The following PTPRE variants were observed in gnomAD, a reference collection of about 807,000 sequenced individuals.
PTPRE encodes the protein receptor-type tyrosine-protein phosphatase epsilon.
PTPRE carries 51 observed loss-of-function variants against 102.0 expected under a neutral mutation model. The observed-to-expected ratio is 0.50, with a 90% CI of 0.40 to 0.63. The LOEUF (loss-of-function observed/expected upper bound fraction) is 0.63, where lower values mean the gene tolerates loss of function less well. Ranked by LOEUF, PTPRE falls within the 30% of genes least tolerant of loss-of-function variation. The pLI is 0.00. For missense variants in PTPRE, 752 were observed against 915.1 expected (o/e 0.82, Z 2.30); for synonymous variants, 345 against 348.2 (o/e 0.99, Z 0.10).
intron 1 of PTPRE, among the ~76,000 whole-genome samples, chr10:127,937,736 G>T (rs979335056): frequency 3.9e-5 from 6 of 152,190 alleles, no homozygotes; most frequent in African/African-American, 1.4e-4. Flanking sequence ...GCACATGCCT[G>T]TAATTACAGC....
At chr10:128,076,457 GGCATTTATAT>G in intron 17 of PTPRE, 136 bp from the exon 18 acceptor site, 1 of 750,210 alleles carries the variant, frequency 1.3e-6, no homozygotes, top group Non-Finnish European at 2.0e-6. Context: ...AGCATTAACA[GGCATTTATAT>G]TCATATTCAT....
rs1179964386 is a variant in PTPRE at position 127,987,547 on chromosome 10, T to C, written c.-8+5251T>C. ...AAATTTGGCAAGCCTCTTAGTTACC[T>C]TTATCCAGCTCTGTGCAGGAAATCT... is the stretch of plus-strand genomic sequence containing the variant. On this transcript the variant is annotated intron_variant, in intron 2 of 20. Coordinates refer to ENST00000254667, the MANE Select transcript of PTPRE (RefSeq NM_006504.6). Among the ~76,000 whole-genome samples, 3 of 152,176 alleles carry C rather than the reference T, an allele frequency of 2.0e-5. No individual in the cohort carries two copies. In the East Asian group the frequency reaches 5.8e-4, roughly 29 times the overall value.
chr10:128,060,301 C>T (rs1480548967), intron 7 of PTPRE, among the ~76,000 whole-genome samples: 1 of 152,108 alleles, frequency 6.6e-6, no homozygotes, highest in Admixed American at 6.5e-5. Flanking sequence ...ACACCCCACA[C>T]ACAGAGCACT....
At chr10:127,967,271 G>A (rs1233568971) in intron 1 of PTPRE, among the ~76,000 whole-genome samples, 2 of 152,194 alleles carry the variant, frequency 1.3e-5, no homozygotes, top group Non-Finnish European at 2.9e-5. Flanking sequence ...CTCAAGCTAT[G>A]ATTTTGCAAA....
At chr10:128,039,929 C>T (rs572931139) in intron 2 of PTPRE, among the ~76,000 whole-genome samples, 119 of 152,310 alleles carry the variant, frequency 7.8e-4, no homozygotes, top group Non-Finnish European at 1.6e-3. Context: ...CCACATTTAG[C>T]GATGCTCTGA....
At position 127,907,869 on chromosome 10, in the gene PTPRE, G is replaced by A. The variant is rs1425126120; in HGVS notation, c.-31+560G>A. Among the ~76,000 whole-genome samples the A allele has an allele frequency of 2.6e-5, 4 of 152,250 alleles. No individual in the cohort carries two copies. Among genetic ancestry groups the A allele is most frequent in the African/African-American group, 7.2e-5 (3 of 41,472 alleles). On this transcript the variant is annotated intron_variant, in intron 1 of 20. Transcript: ENST00000254667. The surrounding 1 kb of genome is among the most constrained non-coding windows in gnomAD (Gnocchi z 4.8). ...GGAGCGGGATGCAGCAGCCGCCGGG[G>A]GTCGGAGATGCGGCAGGGAGACCCT...
intron 2 of PTPRE, among the ~76,000 whole-genome samples, chr10:127,983,489 A>G (rs914489288): frequency 2.0e-5 from 3 of 152,202 alleles, no homozygotes; most frequent in Non-Finnish European, 4.4e-5. Context: ...TATGAAATCT[A>G]CAATCCCTGA....
At chr10:128,074,091 TC>T (rs776678467) in intron 17 of PTPRE, among the ~76,000 whole-genome samples, 3 of 152,154 alleles carry the variant, frequency 2.0e-5, no homozygotes, top group Non-Finnish European at 4.4e-5. Context: ...CCCCATTCCT[TC>T]CTTCCCCTAA....
intron 19 of PTPRE, among the ~76,000 whole-genome samples, chr10:128,078,860 T>C (rs1042335006): frequency 6.6e-6 from 1 of 152,244 alleles, no homozygotes; most frequent in Non-Finnish European, 1.5e-5. Context: ...TAAGCCCACA[T>C]GTGAGATTAT....
Position 128,085,002 on chromosome 10 carries a change from C to T in PTPRE, c.*2096C>T. ...AAAGGGCCCTGCTCATGTTTTTTTC[C>T]TGTCCCCTTAGACCAACCCCAGGTG... is the stretch of plus-strand genomic sequence containing the variant. On this transcript the variant is annotated 3_prime_UTR_variant, in exon 21 of 21. Coordinates refer to ENST00000254667, the MANE Select transcript of PTPRE (RefSeq NM_006504.6). 4 of 400,050 alleles carry T rather than the reference C, an allele frequency of 1.0e-5. No individual in the cohort carries two copies. The highest frequency in any genetic ancestry group is 6.2e-5 in the Admixed American group (2 of 32,310). 24.8% of individuals were successfully genotyped at this position (400,050 alleles called of 1,614,324 possible).
intron 1 of PTPRE, among the ~76,000 whole-genome samples, chr10:127,926,627 C>T (rs1847028841): frequency 1.3e-5 from 2 of 152,046 alleles, no homozygotes; most frequent in South Asian, 4.1e-4. Context: ...TTAGACTCTG[C>T]TCCACCAGGT....
intron 16 of PTPRE, 86 bp from the exon 17 acceptor site, chr10:128,073,251 C>A (rs1452998266): frequency 2.6e-6 from 4 of 1,560,940 alleles, no homozygotes; most frequent in Non-Finnish European, 3.5e-6. Context: ...CCTCATTAGG[C>A]CTTAGGCTGT....
rs181113041 is a variant in PTPRE at position 128,018,593 on chromosome 10, G to A, written c.-7-22282G>A. ...CCAACAGCTGTTCCCAGAGGAGGGG[G>A]GCTGAGAGAAACTCGGAGGGAGGAG... On this transcript the variant is annotated intron_variant, in intron 2 of 20. Transcript: ENST00000254667. Among the ~76,000 whole-genome samples, 22 of 152,272 alleles carry A rather than the reference G, an allele frequency of 1.4e-4. No homozygotes were observed. The East Asian group carries it at 3.7e-3, about 25-fold the overall frequency.
At chr10:128,030,123 G>A (rs1846607991) in intron 2 of PTPRE, among the ~76,000 whole-genome samples, 1 of 152,202 alleles carries the variant, frequency 6.6e-6, no homozygotes, top group Non-Finnish European at 1.5e-5. Context: ...CCCCTCCGAG[G>A]CCTTCCCAGG....
At chr10:127,914,619 T>C (rs934337486) in intron 1 of PTPRE, among the ~76,000 whole-genome samples, 2 of 152,246 alleles carry the variant, frequency 1.3e-5, no homozygotes, top group Non-Finnish European at 2.9e-5. Context: ...CAGAGAGACC[T>C]GCTAGTGAAT....
At chr10:127,918,788 G>A (rs1041373981) in intron 1 of PTPRE, among the ~76,000 whole-genome samples, 1 of 152,202 alleles carries the variant, frequency 6.6e-6, no homozygotes, top group Admixed American at 6.5e-5. Flanking sequence ...GCCTGCCCGC[G>A]AGGAAGAGCC....
At chr10:127,974,016 C>T (rs1272488350) in intron 1 of PTPRE, among the ~76,000 whole-genome samples, 2 of 152,248 alleles carry the variant, frequency 1.3e-5, no homozygotes, top group Non-Finnish European at 2.9e-5. Context: ...AATCCACAGT[C>T]CACACTTAGC....
chr10:127,917,061 G>A (rs117816494), intron 1 of PTPRE, among the ~76,000 whole-genome samples: 1 of 151,944 alleles, frequency 6.6e-6, no homozygotes, highest in Non-Finnish European at 1.5e-5. Flanking sequence ...GGAGGTGACG[G>A]GGGAAACCGA....
chr10:127,999,490 C>T (rs949993560), intron 2 of PTPRE: 8 of 972,252 alleles, frequency 8.2e-6, no homozygotes, highest in Non-Finnish European at 8.6e-6. Context: ...GGGAGCAGGG[C>T]GCTCTCGCCT....
Sources: gnomAD v4.1 joint callset for allele counts (sites outside exome capture counted in the v4.1 genomes callset) on GRCh38, gnomAD v4.1.1 for gene constraint, Gnocchi (gnomAD v3.1) non-coding constraint, MANE v1.5 for transcripts, NCBI Gene and HGNC (gene_info 2026-07-23, HGNC 2026-07-21) for gene names.